PSMD1: variants seen among roughly 807,000 people sequenced by gnomAD.
PSMD1 encodes proteasome 26S subunit, non-ATPase 1.
In PSMD1, 18 loss-of-function variants were observed where a neutral mutation model predicts 119.0. The observed-to-expected ratio is 0.15, with a 90% confidence interval of 0.10 to 0.22. The LOEUF (loss-of-function observed/expected upper bound fraction) is 0.22. Among genes scored for constraint, PSMD1 ranks in the 10% least tolerant of loss-of-function variants. PSMD1 has a pLI of 1.00. For synonymous variants in PSMD1, 374 were observed against 396.6 expected (o/e 0.94, Z 0.68); for missense variants, 702 against 1,158.5 (o/e 0.61, Z 5.72).
intron 16 of PSMD1, chr2:231,113,998 AG>A: frequency 8.2e-7 from 1 of 1,224,752 alleles, no homozygotes; most frequent in South Asian, 1.2e-5. Flanking sequence ...ACAGTTTTTC[AG>A]GTGATACATC....
intron 8 of PSMD1, among the ~76,000 whole-genome samples, chr2:231,076,269 A>G (rs560869057): frequency 6.6e-6 from 1 of 152,306 alleles, no homozygotes; most frequent in East Asian, 1.9e-4. Flanking sequence ...GGTAGGGTAA[A>G]TATTACAACA....
intron 16 of PSMD1, among the ~76,000 whole-genome samples, chr2:231,093,276 G>A (rs764903939): frequency 1.3e-5 from 2 of 152,176 alleles, no homozygotes; most frequent in African/African-American, 2.4e-5. Flanking sequence ...CCCTATGAGA[G>A]TTGCAGTGTA....
At chr2:231,129,288 T>C (rs867842253) in intron 16 of PSMD1, among the ~76,000 whole-genome samples, 1 of 152,222 alleles carries the variant, frequency 6.6e-6, no homozygotes. Context: ...GTTTGCTGAT[T>C]AGAAATGAAA....
intron 17 of PSMD1, among the ~76,000 whole-genome samples, chr2:231,145,257 G>T (rs796265365): frequency 5.9e-5 from 9 of 152,326 alleles, no homozygotes; most frequent in African/African-American, 2.2e-4. Context: ...GTTATGGTCT[G>T]TTGCTTCCAG....
intron 16 of PSMD1, among the ~76,000 whole-genome samples, chr2:231,100,171 T>C (rs143048107): frequency 8.7e-4 from 132 of 152,258 alleles, no homozygotes; most frequent in African/African-American, 2.9e-3. Flanking sequence ...AATTGTTACA[T>C]ATAAAGTTTC....
intron 16 of PSMD1, among the ~76,000 whole-genome samples, chr2:231,098,659 G>A (rs1371457758): frequency 6.6e-6 from 1 of 151,980 alleles, no homozygotes; most frequent in African/African-American, 2.4e-5. Flanking sequence ...TCTAGGGGAG[G>A]GACCAGCGGG....
At chr2:231,149,167 C>T (rs1444676374) in intron 18 of PSMD1, among the ~76,000 whole-genome samples, 1 of 152,172 alleles carries the variant, frequency 6.6e-6, no homozygotes, top group Non-Finnish European at 1.5e-5. Context: ...GAAGTATCTC[C>T]AGTACATCTT....
intron 19 of PSMD1, among the ~76,000 whole-genome samples, chr2:231,159,307 A>AT (rs1472712630): frequency 1.3e-5 from 2 of 152,186 alleles, no homozygotes; most frequent in African/African-American, 4.8e-5. Context: ...ATAATGGTGT[A>AT]TTTTGTTTTG....
At chr2:231,100,100 C>T (rs1428636331) in intron 16 of PSMD1, among the ~76,000 whole-genome samples, 2 of 152,172 alleles carry the variant, frequency 1.3e-5, no homozygotes, top group Non-Finnish European at 2.9e-5. Flanking sequence ...GGGCAAGCCT[C>T]CTCACGAGAG....
chr2:231,056,935 A>C lies in PSMD1; in HGVS notation c.-91A>C, dbSNP rs916612957. On this transcript the variant is annotated 5_prime_UTR_variant, in exon 1 of 25. Coordinates refer to ENST00000308696, the MANE Select transcript of PSMD1 (RefSeq NM_002807.4). ...TGAGCAGCGCACCCGGGGAGCAAGG[A>C]GGCGCGGTGAACTGAGCGGCCCCTG... 2 of 1,498,278 alleles carry C rather than the reference A, an allele frequency of 1.3e-6. No individual in the cohort carries two copies. Among genetic ancestry groups the C allele is most frequent in the Non-Finnish European group, 1.8e-6 (2 of 1,111,476 alleles). 92.8% of individuals were successfully genotyped at this position (1,498,278 alleles called of 1,614,324 possible).
intron 6 of PSMD1, among the ~76,000 whole-genome samples, chr2:231,071,067 C>G (rs1694030504): frequency 6.6e-6 from 1 of 151,946 alleles, no homozygotes. Context: ...TTTACATCAC[C>G]CAAAGTCAAT....
chr2:231,126,812 C>T (rs1468733645), intron 16 of PSMD1, among the ~76,000 whole-genome samples: 2 of 151,834 alleles, frequency 1.3e-5, no homozygotes, highest in African/African-American at 2.4e-5. Context: ...AGGAACGTAA[C>T]TAGTTAGAAC....
intron 16 of PSMD1, among the ~76,000 whole-genome samples, chr2:231,094,062 A>G (rs2125185956): frequency 6.6e-6 from 1 of 152,226 alleles, no homozygotes; most frequent in Non-Finnish European, 1.5e-5. Context: ...TTTGTTTTCT[A>G]AATTTAGGAT....
chr2:231,136,039 T>A (rs1695956990), intron 16 of PSMD1, among the ~76,000 whole-genome samples: 1 of 152,190 alleles, frequency 6.6e-6, no homozygotes. Flanking sequence ...AACATAGAAT[T>A]ATAGATTTGA....
In PSMD1 at chr2:231,083,609, C is replaced by A. The variant is rs1168866013; in HGVS notation, c.1568C>A (p.Ser523Tyr). 1.2e-6 allele frequency: 2 copies of A among 1,614,022 alleles called. No individual in the cohort carries two copies. The highest frequency in any genetic ancestry group is 1.7e-6 in the Non-Finnish European group (2 of 1,180,048). ...GCCCTAGGTTTGGTTATGTTGGGCT[C>A]TAAAAATGCTCAGGCTATTGAGGAC... is the stretch of plus-strand genomic sequence containing the variant. ...GLALGLVMLG[S>Y]KNAQAIEDMV... is the part of the protein sequence containing the mutation. The change falls in exon 14 of 25, where the codon TCT (serine) becomes TAT (tyrosine). Residue 523 changes from serine (S) to tyrosine (Y), a missense_variant. By Grantham distance (144) the Ser-to-Tyr change is moderately radical. Transcript: ENST00000308696.
At chr2:231,160,174 A>G (rs551537388) in intron 19 of PSMD1, among the ~76,000 whole-genome samples, 62 of 152,342 alleles carry the variant, frequency 4.1e-4, no homozygotes, top group African/African-American at 1.5e-3. Flanking sequence ...TTCCTTAGAA[A>G]AATTTCAGTT....
At chr2:231,143,456 C>T (rs1696178204) in intron 17 of PSMD1, among the ~76,000 whole-genome samples, 2 of 152,200 alleles carry the variant, frequency 1.3e-5, no homozygotes, top group Admixed American at 1.3e-4. Flanking sequence ...TCTCGGACTC[C>T]TGACCTCGTG....
chr2:231,127,275 A>C (rs1695746654), intron 16 of PSMD1, among the ~76,000 whole-genome samples: 1 of 138,992 alleles, frequency 7.2e-6, no homozygotes, highest in African/African-American at 2.6e-5. Context: ...CAACAACAAC[A>C]AAAAAAAAAA....
At position 231,165,253 on chromosome 2, in the gene PSMD1, A is replaced by G; in HGVS notation, c.2535A>G (p.Glu845=). 1 of 1,604,514 alleles carries G rather than the reference A, an allele frequency of 6.2e-7. No homozygotes were observed. Among genetic ancestry groups the G allele is most frequent in the Non-Finnish European group, 8.5e-7 (1 of 1,173,626 alleles). The change falls in exon 22 of 25, where the codon GAA becomes GAG. Residue 845 remains glutamate (E), a synonymous_variant. Coordinates refer to ENST00000308696, the MANE Select transcript of PSMD1 (RefSeq NM_002807.4). ...CCAAGGCTAAAAAGAAGGAAAAAGA[A>G]AAGGAAAAAAAGGAGGAGGAGAAAA... ...ITAKAKKKEK[E]KEKKEEEKME... is the part of the protein sequence containing the mutation.
Sources: allele counts gnomAD v4.1 joint callset (sites outside exome capture counted in the v4.1 genomes callset), GRCh38; gene constraint gnomAD v4.1.1; transcripts MANE v1.5; gene names NCBI Gene and HGNC (gene_info 2026-07-23, HGNC 2026-07-21).